Variants in PLPPR1 observed in about 807,000 individuals in gnomAD.
PLPPR1 encodes the protein phospholipid phosphatase related 1.
PLPPR1 carries 10 observed loss-of-function variants against 33.1 expected under a neutral mutation model. The ratio of observed to expected loss-of-function variants is 0.30; its 90% CI spans 0.19 to 0.51. The LOEUF (loss-of-function observed/expected upper bound fraction) is 0.51. Among genes scored for constraint, PLPPR1 ranks in the 20% least tolerant of loss-of-function variants. PLPPR1 has a pLI of 0.97. For missense variants in PLPPR1, 304 were observed against 408.1 expected (o/e 0.74, Z 2.20); for synonymous variants, 151 against 151.0 (o/e 1.00, Z 0.00).
chr9:101,195,599 C>T (rs1336384088), intron 2 of PLPPR1, among the ~76,000 whole-genome samples: 2 of 151,950 alleles, frequency 1.3e-5, no homozygotes, highest in Admixed American at 6.5e-5. Flanking sequence ...ACTAGGAGAC[C>T]ATTAACATTT....
intron 7 of PLPPR1, among the ~76,000 whole-genome samples, chr9:101,323,253 G>A (rs752269785): frequency 2.6e-5 from 4 of 152,112 alleles, no homozygotes; most frequent in South Asian, 2.1e-4. Flanking sequence ...CCAGCACTTC[G>A]GAAGGCCAAG....
At chr9:101,063,885 C>T (rs1830376049) in intron 1 of PLPPR1, among the ~76,000 whole-genome samples, 2 of 152,044 alleles carry the variant, frequency 1.3e-5, no homozygotes, top group African/African-American at 4.8e-5. Context: ...TTTGTTTCTC[C>T]CACTAGAGTG....
intron 2 of PLPPR1, among the ~76,000 whole-genome samples, chr9:101,204,980 A>G (rs1368999096): frequency 1.3e-5 from 2 of 152,122 alleles, no homozygotes; most frequent in Admixed American, 1.3e-4. Context: ...AACTCATTCT[A>G]TAGTTGCATG....
intron 1 of PLPPR1, among the ~76,000 whole-genome samples, chr9:101,127,064 C>T (rs1170925064): frequency 2.0e-5 from 3 of 152,204 alleles, no homozygotes; most frequent in Admixed American, 6.5e-5. Flanking sequence ...AACTTTCACT[C>T]CCCCTCTTTG....
chr9:101,041,280 A>G (rs2118419348), intron 1 of PLPPR1, among the ~76,000 whole-genome samples: 1 of 152,136 alleles, frequency 6.6e-6, no homozygotes. Flanking sequence ...AGTTAATGGA[A>G]GATGGCCAGG....
At chr9:101,244,582 A>G (rs1338717157) in intron 2 of PLPPR1, among the ~76,000 whole-genome samples, 3 of 152,002 alleles carry the variant, frequency 2.0e-5, no homozygotes, top group Middle Eastern at 3.2e-3. Context: ...TGATTTAAAA[A>G]AAAATTCAGT....
chr9:101,322,146 C>T (rs1312697791), intron 7 of PLPPR1, among the ~76,000 whole-genome samples: 4 of 121,838 alleles, frequency 3.3e-5, no homozygotes, highest in South Asian at 2.6e-4. Flanking sequence ...TGCAGTGAGC[C>T]GAGATTGTAC....
At chr9:101,122,336 A>G (rs891005681) in intron 1 of PLPPR1, among the ~76,000 whole-genome samples, 1 of 152,166 alleles carries the variant, frequency 6.6e-6, no homozygotes, top group Non-Finnish European at 1.5e-5. Flanking sequence ...ACTGTCTACA[A>G]TTGTTGGTTT....
intron 1 of PLPPR1, among the ~76,000 whole-genome samples, chr9:101,106,671 AT>A (rs1830975461): frequency 2.2e-5 from 1 of 45,048 alleles, no homozygotes; most frequent in Non-Finnish European, 3.8e-5. Context: ...CGTTCTCTGT[AT>A]TTCCTGAATC....
At chr9:101,246,690 A>G (rs1564015307) in intron 2 of PLPPR1, among the ~76,000 whole-genome samples, 2 of 152,092 alleles carry the variant, frequency 1.3e-5, no homozygotes, top group Admixed American at 6.6e-5. Context: ...CCGTAATACC[A>G]GTGTGTAACA....
chr9:101,309,072 C>T (rs1828907140), intron 4 of PLPPR1, 139 bp from the exon 5 acceptor site: 1 of 818,718 alleles, frequency 1.2e-6, no homozygotes, highest in Non-Finnish European at 2.0e-6. Context: ...GCAGGTACCA[C>T]TCCTGGAAAG....
At chr9:101,237,540 CTT>C (rs751363962) in intron 2 of PLPPR1, among the ~76,000 whole-genome samples, 37 of 150,232 alleles carry the variant, frequency 2.5e-4, no homozygotes, top group Non-Finnish European at 4.8e-4. Context: ...ATTTAAGTCT[CTT>C]TGGAGAATAA....
intron 2 of PLPPR1, among the ~76,000 whole-genome samples, chr9:101,267,925 T>TA (rs1486360412): frequency 1.3e-5 from 2 of 152,118 alleles, no homozygotes; most frequent in African/African-American, 2.4e-5. Context: ...TATGCAGCCA[T>TA]AAAAAATGAT....
At chr9:101,284,305 A>C (rs1283720622) in intron 3 of PLPPR1, among the ~76,000 whole-genome samples, 1 of 152,184 alleles carries the variant, frequency 6.6e-6, no homozygotes, top group African/African-American at 2.4e-5. Flanking sequence ...TGGTGACAAG[A>C]TGGATAAACC....
chr9:101,117,619 C>A (rs112795016), intron 1 of PLPPR1, among the ~76,000 whole-genome samples: 3 of 150,550 alleles, frequency 2.0e-5, no homozygotes, highest in African/African-American at 7.3e-5. Flanking sequence ...AATAGCCATT[C>A]TTTTATCCCT....
intron 2 of PLPPR1, among the ~76,000 whole-genome samples, chr9:101,234,395 G>T (rs950642708): frequency 6.6e-6 from 1 of 151,780 alleles, no homozygotes; most frequent in African/African-American, 2.4e-5. Flanking sequence ...CACCTCCAGA[G>T]AACTATCTCA....
chr9:101,208,817 A>T (rs544843901), intron 2 of PLPPR1, among the ~76,000 whole-genome samples: 3 of 152,212 alleles, frequency 2.0e-5, no homozygotes, highest in African/African-American at 4.8e-5. Flanking sequence ...GAGACAGATC[A>T]TACTGGCCAC....
In PLPPR1 at chr9:101,232,480, T is replaced by G. The variant is rs80264885; in HGVS notation, c.64-37400T>G. Among the ~76,000 whole-genome samples, 240 of 151,904 alleles carry G rather than the reference T, an allele frequency of 1.6e-3. 2 individuals carry two copies. Among genetic ancestry groups the G allele is most frequent in the African/African-American group, 5.2e-3 (217 of 41,494 alleles). ...ATAATTGTATCCTCTTCCTCCTCTT[T>G]TTTTTTTTTCTTAAAAAGAGAAAAA... On this transcript the variant is annotated intron_variant, in intron 2 of 7. Transcript: ENST00000374874.
intron 1 of PLPPR1, among the ~76,000 whole-genome samples, chr9:101,030,403 A>G (rs1018874241): frequency 1.2e-4 from 18 of 151,008 alleles, no homozygotes; most frequent in African/African-American, 3.9e-4. Flanking sequence ...GGCAGCTCCT[A>G]TTCTTCTGGT....
Sources: allele counts gnomAD v4.1 joint callset (sites outside exome capture counted in the v4.1 genomes callset), GRCh38; gene constraint gnomAD v4.1.1; transcripts MANE v1.5; gene names NCBI Gene and HGNC (gene_info 2026-07-23, HGNC 2026-07-21).